The following BMP1 variants were observed in gnomAD, a reference collection of about 807,000 sequenced individuals.
BMP1 encodes the protein mammalian tolloid protein.
A neutral mutation model predicts 116.8 loss-of-function variants in BMP1; 63 were observed. That is an observed-to-expected ratio of 0.54 (90% CI 0.44 to 0.67). The LOEUF (loss-of-function observed/expected upper bound fraction) is 0.67, where lower values mean the gene tolerates loss of function less well. BMP1 is among the 30% of genes least tolerant of loss of function. BMP1 has a pLI of 0.00. For synonymous variants in BMP1, 536 were observed against 533.4 expected (o/e 1.00, Z -0.07); for missense variants, 1,183 against 1,358.9 (o/e 0.87, Z 2.04).
intron 8 of BMP1, among the ~76,000 whole-genome samples, chr8:22,190,594 G>A (rs1828903460): frequency 6.6e-6 from 1 of 152,220 alleles, no homozygotes; most frequent in African/African-American, 2.4e-5. Context: ...GAGGTGGAGA[G>A]AGGAGGTCGC....
In BMP1 at chr8:22,196,858, G is replaced by T; in HGVS notation, c.1926+18G>T. The T allele has an allele frequency of 6.2e-7, 1 of 1,602,404 alleles. No individual in the cohort carries two copies. The highest frequency in any genetic ancestry group is 8.5e-7 in the Non-Finnish European group (1 of 1,172,494). On this transcript the variant is annotated intron_variant, in intron 14 of 19. Coordinates refer to ENST00000306385, the MANE Select transcript of BMP1 (RefSeq NM_006129.5). The stretch of plus-strand genomic sequence containing the variant: ...GCAATGATGTAAGTGCCCACCAGGG[G>T]CTGAGGTGGGGCAGGAAGCTGTGAG...
At chr8:22,196,872 G>A (rs1001414866) in intron 14 of BMP1, 32 bp downstream of exon 14, 8 of 1,593,586 alleles carry the variant, frequency 5.0e-6, no homozygotes, top group East Asian at 4.5e-5. Context: ...AGGTGGGGCA[G>A]GAAGCTGTGA....
At position 22,210,468 on chromosome 8, in the gene BMP1, T is replaced by TCACACACACA. The variant is rs1554488560; in HGVS notation, c.2826+781_2826+782insCACACACACA. Among the ~76,000 whole-genome samples the TCACACACACA allele has an allele frequency of 1.2e-3, 162 of 135,550 alleles. 1 individual carries two copies. Among genetic ancestry groups the TCACACACACA allele is most frequent in the African/African-American group, 4.0e-3 (135 of 33,818 alleles). The allele number at this position is 135,550 out of a possible 152,430, so 88.9% of individuals were successfully genotyped here. On this transcript the variant is annotated intron_variant, in intron 19 of 19. Transcript: ENST00000306385. ...TTCCCTCTCTCTCTCTCTCTCTCTCTCACACACATACACACACACTGGCAC... is the reference window on the plus strand; with the variant it reads ...TTCCCTCTCTCTCTCTCTCTCTCTCTCACACACACACACACACATACACACACACTGGCAC...
rs374076495 is a variant in BMP1 at position 22,206,089 on chromosome 8, G to A, written c.2234-765G>A. ...CTTCAAGGAGGGGCACAGGTCAGCC[G>A]GGTGCAGTGGCTCACGCCTGTAATC... On this transcript the variant is annotated intron_variant, in intron 16 of 19. Coordinates refer to ENST00000306385, the MANE Select transcript of BMP1 (RefSeq NM_006129.5). Among the ~76,000 whole-genome samples, 66 of 152,256 alleles carry A rather than the reference G, an allele frequency of 4.3e-4. No individual in the cohort carries two copies. In the East Asian group the frequency reaches 0.01, roughly 23 times the overall value.
At chr8:22,176,380 C>G (rs1303605661) in intron 3 of BMP1, 67 bp downstream of exon 3, 2 of 1,564,400 alleles carry the variant, frequency 1.3e-6, no homozygotes, top group Admixed American at 3.5e-5. Flanking sequence ...GCAGCCCTGC[C>G]AGGCACGGAG....
intron 13 of BMP1, chr8:22,196,176 A>G (rs761715470): frequency 3.3e-5 from 17 of 521,390 alleles, no homozygotes; most frequent in Non-Finnish European, 5.3e-5. Context: ...ATCACCACCC[A>G]CCAGGGTGTT....
intron 1 of BMP1, among the ~76,000 whole-genome samples, chr8:22,172,042 G>C (rs1828292908): frequency 6.6e-6 from 1 of 152,214 alleles, no homozygotes; most frequent in South Asian, 2.1e-4. Flanking sequence ...TTGGGTGTCT[G>C]ATTCTGTATG....
chr8:22,187,910 C>A (rs1289434857), intron 8 of BMP1, among the ~76,000 whole-genome samples: 1 of 152,080 alleles, frequency 6.6e-6, no homozygotes, highest in Admixed American at 6.5e-5. Flanking sequence ...AATAAGGACA[C>A]GGAGGCACAG....
At chr8:22,207,994 C>T (rs1829396026) in intron 18 of BMP1, among the ~76,000 whole-genome samples, 1 of 152,156 alleles carries the variant, frequency 6.6e-6, no homozygotes, top group South Asian at 2.1e-4. Flanking sequence ...AGCGATTCCC[C>T]TGCCTCAGCC....
rs1027562003 is a variant in BMP1 at position 22,194,316 on chromosome 8, G to C, written c.1298-129G>C. ...GAGAATGATGGGATTGCCTGGGACTGGGGGTTTGGTGGGGAACTGAAAAGC... is the reference window on the plus strand; with the variant it reads ...GAGAATGATGGGATTGCCTGGGACTCGGGGTTTGGTGGGGAACTGAAAAGC... On this transcript the variant is annotated intron_variant, in intron 10 of 19. Transcript: ENST00000306385. This position sits in a 1 kb window ranked among gnomAD's most constrained non-coding sequence, Gnocchi z 4.5. The C allele has an allele frequency of 4.1e-6, 6 of 1,459,394 alleles. No homozygotes were observed. The highest frequency in any genetic ancestry group is 2.5e-5 in the South Asian group (2 of 79,820). 90.4% of individuals were successfully genotyped at this position (1,459,394 alleles called of 1,614,324 possible).
In BMP1 at chr8:22,206,805, G is replaced by A. The variant is rs148637241; in HGVS notation, c.2234-49G>A. On this transcript the variant is annotated intron_variant, in intron 16 of 19. Transcript: ENST00000306385. ...AAGGGCCTTCCCCACAGGAGGCATC[G>A]GAGCTTGGGGTCCCTCTCTATCCCC... 239 of 1,611,514 alleles carry A rather than the reference G, an allele frequency of 1.5e-4. No individual in the cohort carries two copies. In the African/African-American group the frequency reaches 1.8e-3, roughly 12 times the overall value.
chr8:22,176,605 G>T lies in BMP1; in HGVS notation c.506G>T (p.Arg169Leu). The T allele has an allele frequency of 1.2e-6, 2 of 1,614,186 alleles. No homozygotes were observed. The highest frequency in any genetic ancestry group is 1.6e-4 in the Middle Eastern group (1 of 6,062). The change falls in exon 4 of 20, where the codon CGC (arginine) becomes CTC (leucine). Residue 169 changes from arginine (R) to leucine (L), a missense_variant. This residue lies in a region of BMP1 where 956 missense variants were observed against 1,135.2 expected (regional missense o/e 0.84). Coordinates refer to ENST00000306385, the MANE Select transcript of BMP1 (RefSeq NM_006129.5). ...CACACCTGTGTCACCTTCCTGGAGC[G>T]CACTGACGAGGACAGCTATATTGTG... is the stretch of plus-strand genomic sequence containing the variant. ...EKHTCVTFLE[R>L]TDEDSYIVFT...
intron 8 of BMP1, among the ~76,000 whole-genome samples, chr8:22,190,960 T>C (rs1238985381): frequency 6.6e-6 from 1 of 152,174 alleles, no homozygotes; most frequent in Non-Finnish European, 1.5e-5. Context: ...GAACTCTGAA[T>C]ACACAGCAGG....
chr8:22,174,902 G>A (rs1197558571), intron 2 of BMP1, among the ~76,000 whole-genome samples: 1 of 152,098 alleles, frequency 6.6e-6, no homozygotes, highest in Non-Finnish European at 1.5e-5. Context: ...CCAAAGTGCT[G>A]GAATTACAGG....
chr8:22,187,633 G>A (rs536671092), intron 8 of BMP1, among the ~76,000 whole-genome samples: 1 of 151,228 alleles, frequency 6.6e-6, no homozygotes, highest in East Asian at 1.9e-4. Context: ...ACAGGTGTGA[G>A]CCACCGTGCC....
intron 15 of BMP1, among the ~76,000 whole-genome samples, chr8:22,197,900 C>T (rs570202479): frequency 6.6e-6 from 1 of 152,092 alleles, no homozygotes; most frequent in Non-Finnish European, 1.5e-5. Context: ...AAAGATGAGT[C>T]GTGGCCGGGC....
At position 22,180,352 on chromosome 8, in the gene BMP1, T is replaced by C. The variant is rs1208948257; in HGVS notation, c.962-16T>C. On this transcript the variant is annotated splice_polypyrimidine_tract_variant and intron_variant, in intron 7 of 19. Transcript: ENST00000306385. ...TGGCGCCTGCAGCCCTGCCCTGTCA[T>C]TTCCTTTCCTCACAGCCTGTGGAGA... 1.2e-6 allele frequency: 2 copies of C among 1,603,470 alleles called. No individual in the cohort carries two copies. Among genetic ancestry groups the C allele is most frequent in the Non-Finnish European group, 1.7e-6 (2 of 1,170,752 alleles).
chr8:22,169,046 G>A (rs930931532), intron 1 of BMP1, among the ~76,000 whole-genome samples: 22 of 152,140 alleles, frequency 1.4e-4, no homozygotes, highest in Admixed American at 3.3e-4. Context: ...TCATGCACCC[G>A]TAGTCCCAGC....
In BMP1 at chr8:22,199,136, C is replaced by T. The variant is rs774114814; in HGVS notation, c.2107+1716C>T. On this transcript the variant is annotated intron_variant, in intron 15 of 19. Transcript: ENST00000306385. ...CCACCCTCAGCCCTGCACGGAGACA[C>T]ACACGCCCACACGCACACACATGTG... 13 of 1,367,540 alleles carry T rather than the reference C, an allele frequency of 9.5e-6. No individual in the cohort carries two copies. In the African/African-American group the frequency reaches 1.8e-4, roughly 19 times the overall value. 84.7% of individuals were successfully genotyped at this position (1,367,540 alleles called of 1,614,324 possible).
Sources: gnomAD v4.1 joint callset for allele counts (sites outside exome capture counted in the v4.1 genomes callset) on GRCh38, gnomAD v4.1.1 for gene constraint, gnomAD v4.1.1 regional missense constraint, Gnocchi (gnomAD v3.1) non-coding constraint, MANE v1.5 for transcripts, NCBI Gene and HGNC (gene_info 2026-07-23, HGNC 2026-07-21) for gene names.